SIK3: variants seen among roughly 807,000 people sequenced by gnomAD.
SIK3 encodes SIK family kinase 3.
In SIK3, 28 loss-of-function variants were observed where a neutral mutation model predicts 144.2. The observed-to-expected ratio is 0.19, with a 90% CI of 0.14 to 0.27. The LOEUF (loss-of-function observed/expected upper bound fraction) is 0.27. Ranked by LOEUF, SIK3 falls within the 10% of genes least tolerant of loss-of-function variation. The pLI is 1.00. For missense variants in SIK3, 1,319 were observed against 1,776.0 expected (o/e 0.74, Z 4.62); for synonymous variants, 686 against 676.3 (o/e 1.01, Z -0.22).
chr11:116,894,294 A>G (rs1945281493), intron 6 of SIK3, among the ~76,000 whole-genome samples: 1 of 152,192 alleles, frequency 6.6e-6, no homozygotes, highest in Non-Finnish European at 1.5e-5. Flanking sequence ...AGCTCACCTC[A>G]TGGCTTTAAC....
intron 1 of SIK3, among the ~76,000 whole-genome samples, chr11:117,087,353 G>A (rs1245923555): frequency 1.3e-5 from 2 of 152,078 alleles, no homozygotes; most frequent in Non-Finnish European, 2.9e-5. Context: ...TGAGGCAAGA[G>A]AATCGCTTGA....
intron 4 of SIK3, among the ~76,000 whole-genome samples, chr11:116,904,582 C>T (rs1945924459): frequency 6.6e-6 from 1 of 152,216 alleles, no homozygotes; most frequent in South Asian, 2.1e-4. Context: ...CCATGCTCCA[C>T]TCATTTACTG....
intron 1 of SIK3, among the ~76,000 whole-genome samples, chr11:117,042,258 A>G (rs1952777111): frequency 6.6e-6 from 1 of 152,212 alleles, no homozygotes; most frequent in African/African-American, 2.4e-5. Context: ...AATCTCTGGA[A>G]GTTAAAACCT....
chr11:116,927,906 C>T (rs1024354529), intron 3 of SIK3, among the ~76,000 whole-genome samples: 3 of 152,172 alleles, frequency 2.0e-5, no homozygotes, highest in African/African-American at 4.8e-5. Context: ...CAAAGTTCTT[C>T]GATTTGACAT....
At position 116,858,908 on chromosome 11, in the gene SIK3, A is replaced by G. The variant is rs1426566101; in HGVS notation, c.2766-209T>C. Among the ~76,000 whole-genome samples, 1 of 152,134 alleles carries G rather than the reference A, an allele frequency of 6.6e-6. No individual in the cohort carries two copies. Among genetic ancestry groups the G allele is most frequent in the East Asian group, 1.9e-4 (1 of 5,184 alleles). ...ACTGAGGGCACTGCGTGGGTAATAGATCTAGCTCATTTTGAAGGAAGCAAC... is the reference window on the plus strand; with the variant it reads ...ACTGAGGGCACTGCGTGGGTAATAGGTCTAGCTCATTTTGAAGGAAGCAAC... On this transcript the variant is annotated intron_variant, in intron 20 of 24. Coordinates refer to ENST00000445177, the MANE Select transcript of SIK3 (RefSeq NM_001366686.3). The surrounding 1 kb of genome is among the most constrained non-coding windows in gnomAD (Gnocchi z 5.4).
At chr11:117,023,621 A>AAAAT (rs754624841) in intron 1 of SIK3, among the ~76,000 whole-genome samples, 80 of 95,368 alleles carry the variant, frequency 8.4e-4, no homozygotes, top group African/African-American at 2.0e-3. Context: ...AAAAAAAAAA[A>AAAAT]ATATATATAT....
intron 1 of SIK3, among the ~76,000 whole-genome samples, chr11:117,064,256 T>C (rs1208954472): frequency 6.6e-6 from 1 of 152,196 alleles, no homozygotes; most frequent in Non-Finnish European, 1.5e-5. Flanking sequence ...GCCTGTATTA[T>C]CTAATTTATA....
chr11:116,978,698 G>C (rs1016289190), intron 1 of SIK3, among the ~76,000 whole-genome samples: 1 of 151,688 alleles, frequency 6.6e-6, no homozygotes, highest in Non-Finnish European at 1.5e-5. Context: ...TGTAGGGAAA[G>C]GGTCTTGCTA....
chr11:116,998,536 G>A (rs1950748064), intron 1 of SIK3, among the ~76,000 whole-genome samples: 1 of 150,584 alleles, frequency 6.6e-6, no homozygotes, highest in African/African-American at 2.4e-5. Flanking sequence ...CCTCCTCTTA[G>A]CTATAATGGA....
At chr11:117,007,222 A>G (rs551009617) in intron 1 of SIK3, among the ~76,000 whole-genome samples, 1 of 152,334 alleles carries the variant, frequency 6.6e-6, no homozygotes, top group East Asian at 1.9e-4. Flanking sequence ...TACTAAAAAT[A>G]TAAAAATTAT....
intron 14 of SIK3, chr11:116,870,092 AG>A: frequency 6.7e-7 from 1 of 1,493,648 alleles, no homozygotes; most frequent in South Asian, 1.2e-5. Context: ...GGAAAGAAAA[AG>A]TTCTTATGGT....
At chr11:116,966,468 A>G (rs1949553009) in intron 1 of SIK3, among the ~76,000 whole-genome samples, 1 of 152,210 alleles carries the variant, frequency 6.6e-6, no homozygotes, top group Admixed American at 6.5e-5. Flanking sequence ...TATGTTTCAT[A>G]TACACCTTAT....
Position 116,851,729 on chromosome 11 carries a change from CTG to C in SIK3, c.3656-2448_3656-2447del, listed in dbSNP as rs567703239. ...AAGAAAACCTACACCAGGACTTGCT[CTG>C]TGGGATTAGCCCGCCCGTCCTACCC... On this transcript the variant is annotated intron_variant, in intron 21 of 24. Transcript: ENST00000445177. Among the ~76,000 whole-genome samples the C allele has an allele frequency of 3.9e-5, 6 of 152,338 alleles. No individual in the cohort carries two copies. The South Asian group carries it at 1.2e-3, about 32-fold the overall frequency.
chr11:116,875,689 C>T (rs1273324565), intron 9 of SIK3, among the ~76,000 whole-genome samples, 177 bp downstream of exon 9: 1 of 152,040 alleles, frequency 6.6e-6, no homozygotes, highest in Non-Finnish European at 1.5e-5. Context: ...TCCCTCCTCT[C>T]CATCAAAAAA....
At chr11:116,973,334 A>G (rs142910442) in intron 1 of SIK3, among the ~76,000 whole-genome samples, 1 of 152,362 alleles carries the variant, frequency 6.6e-6, no homozygotes, top group Non-Finnish European at 1.5e-5. Flanking sequence ...AATCTCTTCC[A>G]TAATTTATAG....
chr11:116,990,401 G>A (rs772492269), intron 1 of SIK3, among the ~76,000 whole-genome samples: 6 of 152,100 alleles, frequency 3.9e-5, no homozygotes, highest in Non-Finnish European at 8.8e-5. Context: ...GCTGTGAATG[G>A]GGCCAAAGGT....
At position 117,035,161 on chromosome 11, in the gene SIK3, C is replaced by T. The variant is rs183756483; in HGVS notation, c.273+62982G>A. Among the ~76,000 whole-genome samples the T allele has an allele frequency of 4.6e-5, 7 of 152,118 alleles. No individual in the cohort carries two copies. In the East Asian group the frequency reaches 1.3e-3, roughly 29 times the overall value. On this transcript the variant is annotated intron_variant, in intron 1 of 24. Transcript: ENST00000445177. ...CTATATATCATTAATGTCCATTTAT[C>T]AGCAGTATAAAATATCTTACCATAA... is the stretch of plus-strand genomic sequence containing the variant.
chr11:116,849,945 T>G lies in SIK3; in HGVS notation c.3656-662A>C, dbSNP rs1026593545. Among the ~76,000 whole-genome samples the G allele has an allele frequency of 6.6e-5, 10 of 152,196 alleles. No homozygotes were observed. Among genetic ancestry groups the G allele is most frequent in the African/African-American group, 2.4e-4 (10 of 41,442 alleles). On this transcript the variant is annotated intron_variant, in intron 21 of 24. Coordinates refer to ENST00000445177, the MANE Select transcript of SIK3 (RefSeq NM_001366686.3). This position sits in a 1 kb window ranked among gnomAD's most constrained non-coding sequence, Gnocchi z 4.2. The stretch of plus-strand genomic sequence containing the variant: ...CTTACTAGGTATCTTTCCCTGGATA[T>G]CTAACCAGCATGTAACACTTACCAT...
At chr11:117,069,312 C>T (rs2135991785) in intron 1 of SIK3, among the ~76,000 whole-genome samples, 1 of 152,194 alleles carries the variant, frequency 6.6e-6, no homozygotes, top group East Asian at 1.9e-4. Flanking sequence ...AAATACATGG[C>T]CATTTTATCT....
Sources: allele counts gnomAD v4.1 joint callset (sites outside exome capture counted in the v4.1 genomes callset), GRCh38; gene constraint gnomAD v4.1.1; non-coding constraint Gnocchi (gnomAD v3.1); transcripts MANE v1.5; gene names NCBI Gene and HGNC (gene_info 2026-07-23, HGNC 2026-07-21).